The following LAMA2 variants were observed in gnomAD, a reference collection of about 807,000 sequenced individuals.
LAMA2 encodes the protein laminin subunit alpha 2.
Under a neutral mutation model 364.8 loss-of-function variants are expected in LAMA2, and 269 were observed. That is an observed-to-expected ratio of 0.74 (90% CI 0.67 to 0.82). The LOEUF is 0.82. Ranked by LOEUF, LAMA2 falls within the 40% of genes least tolerant of loss-of-function variation. LAMA2 has a pLI of 0.00. For synonymous variants in LAMA2, 1,379 were observed against 1,370.6 expected, an observed-to-expected ratio of 1.01 and a Z score of -0.14; for missense variants, 3,807 against 3,873.2, an observed-to-expected ratio of 0.98 and a Z score of 0.45.
At chr6:129,395,968 C>T (rs1211725695) in intron 37 of LAMA2, among the ~76,000 whole-genome samples, 1 of 152,134 alleles carries the variant, frequency 6.6e-6, no homozygotes, top group African/African-American at 2.4e-5. Context: ...AGAGTGCAGA[C>T]CTTCAGTTAT....
rs551358977 is a variant in LAMA2 at position 129,390,571 on chromosome 6, T to C, written c.5072-920T>C. Among the ~76,000 whole-genome samples the C allele has an allele frequency of 1.0e-3, 158 of 152,036 alleles. 3 individuals carry two copies. Among genetic ancestry groups the C allele is most frequent in the Admixed American group, 9.1e-3 (139 of 15,270 alleles). The stretch of plus-strand genomic sequence containing the variant: ...CTAGGAGTTTTCAAAGGTAATATTA[T>C]AGAAATAAGTATTCAGCTGACAAAA... On this transcript the variant is annotated intron_variant, in intron 35 of 64. Transcript: ENST00000421865.
Position 129,300,888 on chromosome 6 carries a change from T to C in LAMA2, c.3174+16T>C, listed in dbSNP as rs1310513349. On this transcript the variant is annotated intron_variant, in intron 22 of 64. Coordinates refer to ENST00000421865, the MANE Select transcript of LAMA2 (RefSeq NM_000426.4). ...TGGTTGTAAGGTGAGTGAACCACTTTTTTGCTCTGATAATTTTTTGGAGAG... is the reference window on the plus strand; with the variant it reads ...TGGTTGTAAGGTGAGTGAACCACTTCTTTGCTCTGATAATTTTTTGGAGAG... The C allele has an allele frequency of 1.1e-5, 18 of 1,613,404 alleles. No individual in the cohort carries two copies. The highest frequency in any genetic ancestry group is 1.4e-5 in the Non-Finnish European group (17 of 1,179,498).
At chr6:129,107,435 C>G (rs1775894937) in intron 4 of LAMA2, among the ~76,000 whole-genome samples, 1 of 151,960 alleles carries the variant, frequency 6.6e-6, no homozygotes, top group Non-Finnish European at 1.5e-5. Flanking sequence ...CACAGCCATA[C>G]CACATGAGGC....
intron 57 of LAMA2, 73 bp downstream of exon 57, chr6:129,492,150 T>C: frequency 1.4e-6 from 2 of 1,430,556 alleles, no homozygotes; most frequent in Non-Finnish European, 2.0e-6. Flanking sequence ...CCAATGCATC[T>C]ACATTGTCTA....
chr6:129,225,205 C>G (rs1221585250), intron 12 of LAMA2, among the ~76,000 whole-genome samples: 1 of 152,026 alleles, frequency 6.6e-6, no homozygotes, highest in African/African-American at 2.4e-5. Context: ...TTTATTGCAT[C>G]TATTTGATTC....
intron 27 of LAMA2, among the ~76,000 whole-genome samples, chr6:129,318,616 A>G (rs1333796034): frequency 6.6e-6 from 1 of 152,184 alleles, no homozygotes; most frequent in East Asian, 1.9e-4. Flanking sequence ...CCCAGAGAAC[A>G]TAAGGGAGAA....
chr6:129,325,488 A>G (rs958680281), intron 28 of LAMA2, among the ~76,000 whole-genome samples: 2 of 152,094 alleles, frequency 1.3e-5, no homozygotes, highest in East Asian at 3.9e-4. Context: ...AATTATTTAA[A>G]TTGAAAGAAT....
At chr6:129,204,318 C>A (rs1436055022) in intron 12 of LAMA2, among the ~76,000 whole-genome samples, 2 of 152,204 alleles carry the variant, frequency 1.3e-5, no homozygotes, top group African/African-American at 4.8e-5. Flanking sequence ...CTCTGCTTCA[C>A]TGACAACCTG....
intron 4 of LAMA2, among the ~76,000 whole-genome samples, chr6:129,108,439 AG>A (rs1256962211): frequency 2.0e-5 from 3 of 152,096 alleles, no homozygotes; most frequent in African/African-American, 7.2e-5. Flanking sequence ...TTGTTTGTCT[AG>A]TGTTTTAGTG....
chr6:129,139,129 TAGG>T (rs1777969784), intron 4 of LAMA2, among the ~76,000 whole-genome samples: 1 of 152,114 alleles, frequency 6.6e-6, no homozygotes, highest in Non-Finnish European at 1.5e-5. Context: ...AATGGAATAA[TAGG>T]AGCATTGTGG....
chr6:129,047,482 GA>G (rs1218321424), intron 1 of LAMA2, among the ~76,000 whole-genome samples: 2 of 152,272 alleles, frequency 1.3e-5, no homozygotes, highest in African/African-American at 4.8e-5. Flanking sequence ...TTCAGCTGAA[GA>G]AAAACACAAG....
intron 12 of LAMA2, among the ~76,000 whole-genome samples, chr6:129,228,165 T>A (rs1583297204): frequency 6.6e-6 from 1 of 152,270 alleles, no homozygotes; most frequent in East Asian, 1.9e-4. Flanking sequence ...TGCCGTTTGC[T>A]AAGACCATTG....
At chr6:129,014,356 A>G (rs1784952308) in intron 1 of LAMA2, among the ~76,000 whole-genome samples, 1 of 152,122 alleles carries the variant, frequency 6.6e-6, no homozygotes, top group African/African-American at 2.4e-5. Context: ...CGTTTATACC[A>G]TTTCAGTTGA....
chr6:129,200,225 C>T lies in LAMA2; in HGVS notation c.1782+7372C>T, dbSNP rs894049864. On this transcript the variant is annotated intron_variant, in intron 12 of 64. Transcript: ENST00000421865. ...ACACATATACATGTGTATATATATA[C>T]GTGTACACATATACATGTGTATATA... 7.7e-5 allele frequency among the ~76,000 whole-genome samples: 10 copies of T among 129,686 alleles called. 1 individual carries two copies. The highest frequency in any genetic ancestry group is 4.9e-4 in the South Asian group (2 of 4,064). 85.1% of individuals were successfully genotyped at this position (129,686 alleles called of 152,430 possible).
At chr6:129,099,675 T>A (rs910001595) in intron 4 of LAMA2, among the ~76,000 whole-genome samples, 3 of 152,232 alleles carry the variant, frequency 2.0e-5, no homozygotes, top group African/African-American at 7.2e-5. Context: ...TCAACACTTC[T>A]AGGGAAAATT....
At chr6:129,086,275 G>A (rs1202120584) in intron 3 of LAMA2, among the ~76,000 whole-genome samples, 1 of 152,132 alleles carries the variant, frequency 6.6e-6, no homozygotes, top group African/African-American at 2.4e-5. Context: ...ACGTGCAGAG[G>A]TACCTGAAAC....
chr6:129,306,313 CTT>C lies in LAMA2; in HGVS notation c.3174+5460_3174+5461del, dbSNP rs11315443. ...CAGGTCTGCTGACAATAATTTTTTC[CTT>C]TTTTTTTTTTTTTTTTTTGTTCCAG... is the stretch of plus-strand genomic sequence containing the variant. On this transcript the variant is annotated intron_variant, in intron 22 of 64. Transcript: ENST00000421865. Among the ~76,000 whole-genome samples the C allele has an allele frequency of 4.4e-3, 310 of 70,380 alleles. 2 individuals are homozygous for C. The highest frequency in any genetic ancestry group is 0.014 in the African/African-American group (271 of 18,744). The allele number at this position is 70,380 out of a possible 152,430, so 46.2% of individuals were successfully genotyped here.
intron 9 of LAMA2, among the ~76,000 whole-genome samples, chr6:129,168,872 G>A (rs1449038857): frequency 1.0e-4 from 15 of 145,996 alleles, no homozygotes; most frequent in Non-Finnish European, 2.1e-4. Context: ...CCTTGAAGAG[G>A]TCCTTCACAT....
intron 29 of LAMA2, among the ~76,000 whole-genome samples, chr6:129,338,244 T>C (rs1233251746): frequency 1.3e-5 from 2 of 152,200 alleles, no homozygotes; most frequent in Non-Finnish European, 2.9e-5. Context: ...TATGCAATTA[T>C]TTTACTGCAA....
Sources: allele counts gnomAD v4.1 joint callset (sites outside exome capture counted in the v4.1 genomes callset), GRCh38; gene constraint gnomAD v4.1.1; transcripts MANE v1.5; gene names NCBI Gene and HGNC (gene_info 2026-07-23, HGNC 2026-07-21).